The following PCDH15 variants were observed in gnomAD, a reference collection of about 807,000 sequenced individuals.
PCDH15 encodes the protein protocadherin-15.
A neutral mutation model predicts 178.5 loss-of-function variants in PCDH15; 129 were observed. The observed-to-expected ratio is 0.72, with a 90% CI of 0.63 to 0.84. The LOEUF is 0.84. Among genes scored for constraint, PCDH15 ranks in the 40% least tolerant of loss-of-function variants. The pLI is 0.00. For missense variants in PCDH15, 2,230 were observed against 2,099.9 expected (o/e 1.06, Z -1.21); for synonymous variants, 800 against 732.0 (o/e 1.09, Z -1.50).
intron 30 of PCDH15, among the ~76,000 whole-genome samples, chr10:53,829,472 G>A (rs2076894029): frequency 6.6e-6 from 1 of 152,106 alleles, no homozygotes; most frequent in Non-Finnish European, 1.5e-5. Flanking sequence ...AAGCTCCTTT[G>A]GAAAATAGTT....
chr10:55,024,074 CATAT>C (rs71461269), intron 2 of PCDH15, among the ~76,000 whole-genome samples: 69 of 143,122 alleles, frequency 4.8e-4, no homozygotes, highest in African/African-American at 1.4e-3. Context: ...TACACACACT[CATAT>C]ATATATATAT....
chr10:55,016,755 A>G (rs776718849), intron 2 of PCDH15, among the ~76,000 whole-genome samples: 11 of 152,182 alleles, frequency 7.2e-5, no homozygotes, highest in Non-Finnish European at 1.3e-4. Flanking sequence ...TCTTTTGGGT[A>G]TATACCTAGC....
At chr10:55,186,573 C>T (rs1839804879) in intron 1 of PCDH15, among the ~76,000 whole-genome samples, 1 of 151,652 alleles carries the variant, frequency 6.6e-6, no homozygotes, top group African/African-American at 2.4e-5. Context: ...TATGAGACTA[C>T]CAAAAGTGTA....
At chr10:53,976,437 A>C (rs1377138231) in intron 21 of PCDH15, among the ~76,000 whole-genome samples, 1 of 152,112 alleles carries the variant, frequency 6.6e-6, no homozygotes, top group Non-Finnish European at 1.5e-5. Context: ...TATTGACCTT[A>C]TCAAACACCA....
At chr10:54,345,028 A>G (rs1943015208) in intron 6 of PCDH15, among the ~76,000 whole-genome samples, 1 of 150,064 alleles carries the variant, frequency 6.7e-6, no homozygotes, top group African/African-American at 2.4e-5. Flanking sequence ...TAACACAGCC[A>G]GTACAAGTTT....
chr10:55,297,211 A>T (rs561160833), intron 1 of PCDH15, among the ~76,000 whole-genome samples: 48 of 152,174 alleles, frequency 3.2e-4, no homozygotes, highest in African/African-American at 1.1e-3. Context: ...AGAAAGAGAG[A>T]GATTGGAAGT....
chr10:53,895,032 T>C (rs2081856713), intron 26 of PCDH15, among the ~76,000 whole-genome samples: 1 of 152,148 alleles, frequency 6.6e-6, no homozygotes, highest in Admixed American at 6.5e-5. Context: ...TGTGATGCAC[T>C]GTTCTCTGTA....
At chr10:54,788,057 G>A (rs1951057738) in intron 1 of PCDH15, among the ~76,000 whole-genome samples, 1 of 151,766 alleles carries the variant, frequency 6.6e-6, no homozygotes, top group African/African-American at 2.4e-5. Flanking sequence ...ACAAAAAATA[G>A]GAAGGGTGAC....
At chr10:53,931,575 G>A (rs1208842806) in intron 25 of PCDH15, among the ~76,000 whole-genome samples, 2 of 151,906 alleles carry the variant, frequency 1.3e-5, no homozygotes, top group African/African-American at 4.8e-5. Context: ...CAGTCTCACT[G>A]AAACAATATT....
chr10:54,386,100 TTGTGTG>T (rs60205554), intron 3 of PCDH15, among the ~76,000 whole-genome samples: 9,064 of 139,694 alleles, frequency 0.065, 398 homozygotes, highest in African/African-American at 0.12. Context: ...TAGTTATTAG[TTGTGTG>T]TGTGTGTGTG....
At chr10:54,141,120 T>C (rs930280017) in intron 14 of PCDH15, among the ~76,000 whole-genome samples, 4 of 150,816 alleles carry the variant, frequency 2.7e-5, no homozygotes, top group Non-Finnish European at 5.9e-5. Context: ...ATATATATAA[T>C]ATATAAAACT....
At chr10:55,199,218 G>A (rs2132156413) in intron 1 of PCDH15, among the ~76,000 whole-genome samples, 1 of 152,228 alleles carries the variant, frequency 6.6e-6, no homozygotes, top group East Asian at 1.9e-4. Flanking sequence ...GGACAATAAA[G>A]TCCAGGCTAA....
At chr10:54,688,056 AAAAAAATTT>A (rs2095047343) in intron 1 of PCDH15, among the ~76,000 whole-genome samples, 3 of 151,456 alleles carry the variant, frequency 2.0e-5, no homozygotes, top group Middle Eastern at 3.2e-3. Flanking sequence ...AAATAAAATT[AAAAAAATTT>A]AAAAAAGTCT....
At chr10:54,070,812 T>C (rs2135857024) in intron 17 of PCDH15, among the ~76,000 whole-genome samples, 1 of 152,084 alleles carries the variant, frequency 6.6e-6, no homozygotes, top group South Asian at 2.1e-4. Flanking sequence ...GTTGCCTAGG[T>C]GGTCTCAAAC....
At chr10:55,351,067 G>T (rs1565044341) in intron 2 of PCDH15, among the ~76,000 whole-genome samples, 1 of 113,876 alleles carries the variant, frequency 8.8e-6, no homozygotes, top group African/African-American at 3.4e-5. Flanking sequence ...CCCCGCTGCT[G>T]CCTCCTCCTC....
At chr10:53,867,934 T>A (rs756796913) in intron 26 of PCDH15, among the ~76,000 whole-genome samples, 12 of 152,086 alleles carry the variant, frequency 7.9e-5, no homozygotes, top group Non-Finnish European at 1.3e-4. Flanking sequence ...GTACTTATGA[T>A]CCACATATTA....
chr10:54,655,782 T>C (rs2094393463), intron 2 of PCDH15: 1 of 152,130 alleles, frequency 6.6e-6, no homozygotes, highest in Non-Finnish European at 1.5e-5. Context: ...ATCCACAAGA[T>C]TACTCACCTT....
At chr10:55,178,851 G>A (rs1360333196) in intron 1 of PCDH15, among the ~76,000 whole-genome samples, 1 of 151,940 alleles carries the variant, frequency 6.6e-6, no homozygotes, top group African/African-American at 2.4e-5. Context: ...GAATGCCCAT[G>A]GGATTATCTA....
At chr10:54,902,379 C>T (rs1954651242) in intron 2 of PCDH15, among the ~76,000 whole-genome samples, 1 of 152,084 alleles carries the variant, frequency 6.6e-6, no homozygotes, top group South Asian at 2.1e-4. Context: ...ATTATGGGGT[C>T]AGATTTCTCC....
Sources: gnomAD v4.1 joint callset for allele counts (sites outside exome capture counted in the v4.1 genomes callset) on GRCh38, gnomAD v4.1.1 for gene constraint, MANE v1.5 for transcripts, NCBI Gene and HGNC (gene_info 2026-07-23, HGNC 2026-07-21) for gene names.